Variants in QTMAN observed in about 807,000 individuals in gnomAD.
The protein encoded by QTMAN is queuosine-tRNA mannosyltransferase.
At chr2:143,977,304 A>G in the QTMAN span, among the ~76,000 whole-genome samples, 1 of 152,160 alleles carries the variant, frequency 6.6e-6, no homozygotes, top group Non-Finnish European at 1.5e-5. Context: ...AACCCCTTCA[A>G]ACAGGTACAA....
the QTMAN span, among the ~76,000 whole-genome samples, chr2:144,278,154 A>G: frequency 6.6e-6 from 1 of 152,208 alleles, no homozygotes; most frequent in Admixed American, 6.5e-5. Flanking sequence ...GCTGCAGCTC[A>G]CTTAGTAAGA....
At chr2:144,118,047 C>T in the QTMAN span, among the ~76,000 whole-genome samples, 8 of 152,158 alleles carry the variant, frequency 5.3e-5, no homozygotes, top group African/African-American at 1.7e-4. Flanking sequence ...GGGGTTTCAA[C>T]GTGTTAGCCA....
the QTMAN span, among the ~76,000 whole-genome samples, chr2:144,082,000 ACCTCAG>A: frequency 6.6e-6 from 1 of 151,900 alleles, no homozygotes; most frequent in Non-Finnish European, 1.5e-5. Context: ...TGATTCTCCC[ACCTCAG>A]CCTCCCGAGT....
At chr2:143,969,079 C>T in the QTMAN span, among the ~76,000 whole-genome samples, 1 of 151,842 alleles carries the variant, frequency 6.6e-6, no homozygotes, top group Non-Finnish European at 1.5e-5. Flanking sequence ...CTTACTAAGT[C>T]TGCATGTAGA....
chr2:144,202,570 T>C, the QTMAN span, among the ~76,000 whole-genome samples: 3 of 152,222 alleles, frequency 2.0e-5, no homozygotes, highest in African/African-American at 7.2e-5. Flanking sequence ...CTCCTTATTC[T>C]ATAGTCAGAG....
At chr2:144,212,028 G>A in the QTMAN span, among the ~76,000 whole-genome samples, 12 of 152,212 alleles carry the variant, frequency 7.9e-5, no homozygotes, top group Non-Finnish European at 1.3e-4. Flanking sequence ...CTTTGTAGAA[G>A]GAGGCTGTGG....
the QTMAN span, among the ~76,000 whole-genome samples, chr2:144,314,866 ATAAAGT>A: frequency 3.9e-5 from 6 of 152,282 alleles, no homozygotes; most frequent in East Asian, 1.2e-3. Flanking sequence ...ATTATACTCC[ATAAAGT>A]TAATTTTAAT....
At chr2:143,997,756 A>T in the QTMAN span, among the ~76,000 whole-genome samples, 1 of 152,112 alleles carries the variant, frequency 6.6e-6, no homozygotes, top group Admixed American at 6.5e-5. Context: ...TCATGTGCAT[A>T]TAAGATTTTT....
the QTMAN span, among the ~76,000 whole-genome samples, chr2:144,317,314 G>A: frequency 6.8e-6 from 1 of 147,186 alleles, no homozygotes; most frequent in African/African-American, 2.5e-5. Flanking sequence ...CATTTAAATA[G>A]TCACTGCTAT....
At chr2:144,069,487 G>GA in the QTMAN span, among the ~76,000 whole-genome samples, 2 of 151,190 alleles carry the variant, frequency 1.3e-5, no homozygotes, top group East Asian at 3.9e-4. Context: ...ATATCCTAGG[G>GA]AAAAAAATAA....
chr2:144,291,548 C>T, the QTMAN span, among the ~76,000 whole-genome samples: 1 of 152,180 alleles, frequency 6.6e-6, no homozygotes, highest in Admixed American at 6.5e-5. Flanking sequence ...TTTTATAGCT[C>T]ACCCTTTAAC....
At chr2:144,188,536 T>TGGAG in the QTMAN span, among the ~76,000 whole-genome samples, 1 of 151,704 alleles carries the variant, frequency 6.6e-6, no homozygotes, top group Admixed American at 6.6e-5. Context: ...GATGGATGGA[T>TGGAG]GGATGGATGG....
chr2:144,208,439 T>C, the QTMAN span, among the ~76,000 whole-genome samples: 2 of 152,216 alleles, frequency 1.3e-5, no homozygotes, highest in Admixed American at 6.6e-5. Context: ...CCTTAGAGGA[T>C]GAGTATACTC....
chr2:144,226,480 G>A, the QTMAN span, among the ~76,000 whole-genome samples: 1 of 152,156 alleles, frequency 6.6e-6, no homozygotes, highest in Non-Finnish European at 1.5e-5. Context: ...CCAATTCTGA[G>A]TTCAAATTTA....
chr2:144,208,729 A>T, the QTMAN span: 3 of 1,613,750 alleles, frequency 1.9e-6, no homozygotes, highest in Non-Finnish European at 2.5e-6. Context: ...AAGAAGATCC[A>T]CCAGCTGTTT....
the QTMAN span, among the ~76,000 whole-genome samples, chr2:144,134,485 C>T: frequency 6.6e-6 from 1 of 152,098 alleles, no homozygotes; most frequent in Admixed American, 6.6e-5. Flanking sequence ...AGTAGGAAAG[C>T]AGAAATGCTC....
At chr2:144,012,332 A>C in the QTMAN span, among the ~76,000 whole-genome samples, 1 of 152,210 alleles carries the variant, frequency 6.6e-6, no homozygotes, top group Non-Finnish European at 1.5e-5. Flanking sequence ...ACCTGTAGGA[A>C]TAACCAAAGG....
chr2:144,020,757 T>C, the QTMAN span, among the ~76,000 whole-genome samples: 1 of 151,584 alleles, frequency 6.6e-6, no homozygotes, highest in Non-Finnish European at 1.5e-5. Context: ...TGGAAGAAAC[T>C]GAGACAATGT....
the QTMAN span, chr2:143,952,740 T>C: frequency 7.6e-7 from 1 of 1,319,430 alleles, no homozygotes. Flanking sequence ...ATATTAAATC[T>C]CAATAAAGAT....
Sources: gnomAD v4.1 joint callset for allele counts (sites outside exome capture counted in the v4.1 genomes callset) on GRCh38, gnomAD v4.1.1 for gene constraint, MANE v1.5 for transcripts, NCBI Gene and HGNC (gene_info 2026-07-23, HGNC 2026-07-21) for gene names.